ACOT8: variants seen among roughly 807,000 people sequenced by gnomAD.
ACOT8 encodes acyl-coenzyme A thioesterase 8.
Under a neutral mutation model 38.4 loss-of-function variants are expected in ACOT8, and 31 were observed. The observed-to-expected ratio is 0.81, with a 90% CI of 0.61 to 1.09. ACOT8 has a LOEUF of 1.09. ACOT8 is among the 50% of genes least tolerant of loss of function. The pLI is 0.00. For synonymous variants in ACOT8, 158 were observed against 170.3 expected, an observed-to-expected ratio of 0.93 and a Z score of 0.56; for missense variants, 373 against 421.8, an observed-to-expected ratio of 0.88 and a Z score of 1.01.
At chr20:45,843,310 G>A in intron 5 of ACOT8, 2 of 755,556 alleles carry the variant, frequency 2.6e-6, no homozygotes, top group South Asian at 1.5e-5. Context: ...GGGAGAAGGT[G>A]AATCACATTT....
chr20:45,854,815 GCA>G (rs11468490), intron 2 of ACOT8, among the ~76,000 whole-genome samples: 141,853 of 152,116 alleles, frequency 0.93, 66,250 homozygotes, highest in East Asian at 1. Context: ...CACACCTCTA[GCA>G]CAGAGGTCAC....
intron 1 of ACOT8, among the ~76,000 whole-genome samples, chr20:45,856,652 C>T (rs1393277901): frequency 6.6e-6 from 1 of 152,202 alleles, no homozygotes; most frequent in Non-Finnish European, 1.5e-5. Flanking sequence ...TGCACTCCAG[C>T]CTGGGCAACA....
In ACOT8 at chr20:45,848,595, C is replaced by T. The variant is rs753092592; in HGVS notation, c.343G>A (p.Val115Met). ...ATGAAGATGGGCTTCCCATGTTGCA[C>T]GGCCTTCACAGAGCGCACCGAGAAG... Reference protein sequence around the residue: ...SSFSVRSVKAVQHGKPIFICQ... With the variant: ...SSFSVRSVKAMQHGKPIFICQ... The change falls in exon 3 of 6, where the codon GTG (valine) becomes ATG (methionine). Residue 115 changes from valine (V) to methionine (M), a missense_variant. Coordinates refer to ENST00000217455, the MANE Select transcript of ACOT8 (RefSeq NM_005469.4). 1.1e-5 allele frequency: 17 copies of T among 1,613,826 alleles called. 1 individual carries two copies. The highest frequency in any genetic ancestry group is 8.9e-5 in the East Asian group (4 of 44,890).
At chr20:45,842,937 A>C in intron 5 of ACOT8, 2 of 1,010,288 alleles carry the variant, frequency 2.0e-6, no homozygotes, top group Non-Finnish European at 2.4e-6. Context: ...CAGGGTTCTG[A>C]AGCTAGACAT....
chr20:45,843,153 A>G, intron 5 of ACOT8: 1 of 692,124 alleles, frequency 1.4e-6, no homozygotes, highest in Admixed American at 3.7e-5. Flanking sequence ...CCCAAATGGC[A>G]GTCTGATGGA....
At chr20:45,849,426 C>G (rs2145769081) in intron 2 of ACOT8, among the ~76,000 whole-genome samples, 1 of 151,276 alleles carries the variant, frequency 6.6e-6, no homozygotes, top group East Asian at 1.9e-4. Context: ...GGGGGGACTA[C>G]AGGGGTGCAT....
At chr20:45,848,128 T>A (rs1229700928) in intron 3 of ACOT8, among the ~76,000 whole-genome samples, 1 of 152,152 alleles carries the variant, frequency 6.6e-6, no homozygotes, top group Admixed American at 6.5e-5. Flanking sequence ...GAGGCTAGTA[T>A]CCAACTCCTG....
intron 3 of ACOT8, among the ~76,000 whole-genome samples, chr20:45,847,096 G>A (rs1422375734): frequency 6.6e-6 from 1 of 152,110 alleles, no homozygotes; most frequent in Non-Finnish European, 1.5e-5. Context: ...TGTAATCACA[G>A]CTGCTTGGGA....
At chr20:45,854,187 C>T (rs908896685) in intron 2 of ACOT8, among the ~76,000 whole-genome samples, 5 of 132,044 alleles carry the variant, frequency 3.8e-5, no homozygotes, top group South Asian at 2.4e-4. Flanking sequence ...GCATGAGCCA[C>T]CACACATAGG....
At position 45,843,675 on chromosome 20, in the gene ACOT8, G is replaced by C. The variant is rs139975225; in HGVS notation, c.693C>G (p.Ser231=). 3 of 1,612,050 alleles carry C rather than the reference G, an allele frequency of 1.9e-6. No individual in the cohort carries two copies. Among genetic ancestry groups the C allele is most frequent in the Non-Finnish European group, 2.5e-6 (3 of 1,178,434 alleles). ...KMHCCVAAYI[S]DYAFLGTALL... is the part of the protein sequence containing the mutation. The stretch of plus-strand genomic sequence containing the variant: ...GTGCAGTGCCCAAGAAGGCATAGTC[G>C]GAGATATAGGCGGCCACGCAGCAGT... The change falls in exon 5 of 6, where the codon TCC becomes TCG. Residue 231 remains serine, a synonymous_variant. Coordinates refer to ENST00000217455, the MANE Select transcript of ACOT8 (RefSeq NM_005469.4).
At chr20:45,857,041 T>G in intron 1 of ACOT8, 147 bp downstream of exon 1, 1 of 936,322 alleles carries the variant, frequency 1.1e-6, no homozygotes, top group Non-Finnish European at 1.6e-6. Context: ...GACAGCTCTG[T>G]TGGGGGCGAG....
At chr20:45,844,027 C>T (rs1375501218) in intron 4 of ACOT8, 16 of 784,578 alleles carry the variant, frequency 2.0e-5, no homozygotes, top group Non-Finnish European at 3.1e-5. Flanking sequence ...GACAACAACC[C>T]CAGCGAGGTG....
intron 5 of ACOT8, chr20:45,843,127 A>G (rs115135254): frequency 3.0e-6 from 3 of 1,004,280 alleles, no homozygotes; most frequent in East Asian, 1.2e-4. Flanking sequence ...ATCAGAATCT[A>G]TTTTGAAAAG....
rs73308468 is a variant in ACOT8 at position 45,841,829 on chromosome 20, T to C, written c.*9A>G. ...TTCTTGAAGCCCCAGGCGAAGCTGG[T>C]ACCTCTGGCTACAGCTTGCTCTCTG... is the stretch of plus-strand genomic sequence containing the variant. On this transcript the variant is annotated 3_prime_UTR_variant, in exon 6 of 6. Transcript: ENST00000217455. 1.7e-3 allele frequency: 2,743 copies of C among 1,594,870 alleles called. 36 individuals carry two copies. The African/African-American group carries it at 0.033, about 19-fold the overall frequency.
rs947417640 is a variant in ACOT8, at chr20:45,842,938, A to C, written c.841+589T>G. ...CTTGGAAAGGAGGTCAGGGTTCTGA[A>C]GCTAGACATTGATGAACGAGTCTTG... On this transcript the variant is annotated intron_variant, in intron 5 of 5. Transcript: ENST00000217455. 4 of 1,010,500 alleles carry C rather than the reference A, an allele frequency of 4.0e-6. No individual in the cohort carries two copies. The African/African-American group carries it at 6.9e-5, about 18-fold the overall frequency. The allele number at this position is 1,010,500 out of a possible 1,614,324, so 62.6% of individuals were successfully genotyped here.
At chr20:45,842,594 T>C (rs1984308114) in intron 5 of ACOT8, 2 of 993,774 alleles carry the variant, frequency 2.0e-6, no homozygotes, top group Admixed American at 1.1e-4. Flanking sequence ...CCTTGCTGGC[T>C]TTGGGCCCAA....
At chr20:45,847,442 T>G (rs943131648) in intron 3 of ACOT8, among the ~76,000 whole-genome samples, 5 of 136,078 alleles carry the variant, frequency 3.7e-5, no homozygotes, top group African/African-American at 1.4e-4. Context: ...ATATATATGG[T>G]TTTTTTTCCC....
intron 4 of ACOT8, 200 bp downstream of exon 4, chr20:45,844,063 T>C (rs1270679304): frequency 4.7e-6 from 4 of 855,604 alleles, no homozygotes; most frequent in Non-Finnish European, 5.5e-6. Context: ...AGAAAGGCCT[T>C]GTGTCGGGAT....
In ACOT8 at chr20:45,855,190, C is replaced by T. The variant is rs1985332019; in HGVS notation, c.231G>A (p.Val77=). 1 of 1,614,156 alleles carries T rather than the reference C, an allele frequency of 6.2e-7. No individual in the cohort carries two copies. The change falls in exon 2 of 6, where the codon GTG becomes GTA. Residue 77 remains valine, a synonymous_variant. Coordinates refer to ENST00000217455, the MANE Select transcript of ACOT8 (RefSeq NM_005469.4). ...AAKSVSEDVH[V]HSLHCYFVRA... ...GAACAAAGTAGCAGTGCAGGGAGTG[C>T]ACGTGGACGTCTTCACTCACAGACT...
Sources: gnomAD v4.1 joint callset for allele counts (sites outside exome capture counted in the v4.1 genomes callset) on GRCh38, gnomAD v4.1.1 for gene constraint, MANE v1.5 for transcripts, NCBI Gene and HGNC (gene_info 2026-07-23, HGNC 2026-07-21) for gene names.